The following PRKCA variants were observed in gnomAD, a reference collection of about 807,000 sequenced individuals.
PRKCA encodes the protein protein kinase C alpha type.
PRKCA carries 27 observed loss-of-function variants against 87.0 expected under a neutral mutation model. The ratio of observed to expected loss-of-function variants is 0.31; its 90% CI spans 0.23 to 0.43. The LOEUF is 0.43. Ranked by LOEUF, PRKCA falls within the 20% of genes least tolerant of loss-of-function variation. The pLI, the probability that PRKCA is intolerant of heterozygous loss-of-function variation, is 1.00. For missense variants in PRKCA, 518 were observed against 852.3 expected, an observed-to-expected ratio of 0.61 and a Z score of 4.88; for synonymous variants, 329 against 311.1, an observed-to-expected ratio of 1.06 and a Z score of -0.61.
chr17:66,644,089 A>G (rs1383526733), intron 4 of PRKCA, among the ~76,000 whole-genome samples: 2 of 152,236 alleles, frequency 1.3e-5, no homozygotes, highest in Non-Finnish European at 2.9e-5. Flanking sequence ...CACAAGCAAT[A>G]TACATAACAC....
chr17:66,673,144 T>C (rs1972238017), intron 5 of PRKCA, among the ~76,000 whole-genome samples: 1 of 152,244 alleles, frequency 6.6e-6, no homozygotes, highest in South Asian at 2.1e-4. Flanking sequence ...TATAGAACTT[T>C]AATGTAAAAT....
Position 66,789,109 on chromosome 17 carries a change from G to T in PRKCA, c.1854+130G>T, listed in dbSNP as rs1975471534. ...TGTACAGGGTGAGGAAACGGGCCAG[G>T]TTTCAGCCTTGTCCTCAGTCCTGTG... On this transcript the variant is annotated intron_variant, in intron 16 of 16. Transcript: ENST00000413366. 3 of 1,169,082 alleles carry T rather than the reference G, an allele frequency of 2.6e-6. No individual in the cohort carries two copies. The South Asian group carries it at 4.2e-5, about 16-fold the overall frequency. 72.4% of individuals were successfully genotyped at this position (1,169,082 alleles called of 1,614,324 possible).
intron 2 of PRKCA, among the ~76,000 whole-genome samples, chr17:66,322,078 T>C (rs1426328706): frequency 6.6e-6 from 1 of 152,222 alleles, no homozygotes. Flanking sequence ...AGGTCAGCCT[T>C]GTCAGGGTGG....
At chr17:66,771,413 G>T (rs997701644) in intron 13 of PRKCA, among the ~76,000 whole-genome samples, 100 of 152,168 alleles carry the variant, frequency 6.6e-4, no homozygotes, top group Admixed American at 1.9e-3. Flanking sequence ...GTCTTGCCAA[G>T]ATACTCATGA....
chr17:66,452,739 C>T (rs1182186444), intron 2 of PRKCA, among the ~76,000 whole-genome samples: 2 of 152,158 alleles, frequency 1.3e-5, no homozygotes, highest in African/African-American at 2.4e-5. Flanking sequence ...TGGCGGGTGC[C>T]TGTAGTCCCA....
intron 2 of PRKCA, among the ~76,000 whole-genome samples, chr17:66,397,126 C>T (rs749589768): frequency 5.3e-5 from 8 of 151,464 alleles, no homozygotes; most frequent in Middle Eastern, 3.2e-3. Flanking sequence ...CCACCATGCC[C>T]AGCTAATTTT....
intron 2 of PRKCA, among the ~76,000 whole-genome samples, chr17:66,367,718 G>T (rs757766514): frequency 1.2e-4 from 19 of 152,158 alleles, no homozygotes; most frequent in Non-Finnish European, 2.4e-4. Flanking sequence ...ATAAGACCAG[G>T]TTTGAATCTG....
At chr17:66,364,616 A>G (rs1021734528) in intron 2 of PRKCA, among the ~76,000 whole-genome samples, 5 of 152,142 alleles carry the variant, frequency 3.3e-5, no homozygotes, top group African/African-American at 1.2e-4. Context: ...TGATTGAAGT[A>G]GGGGGAGTGC....
chr17:66,701,939 C>T lies in PRKCA; in HGVS notation c.918+12892C>T, dbSNP rs145578498. 7.3e-3 allele frequency among the ~76,000 whole-genome samples: 1,113 copies of T among 152,148 alleles called. 15 individuals are homozygous for T. Among genetic ancestry groups the T allele is most frequent in the African/African-American group, 0.023 (958 of 41,534 alleles). ...AATACTTGAAAATAAAGCTACCATA[C>T]GATCCAGCAGTCCTGATTCTGGGTA... On this transcript the variant is annotated intron_variant, in intron 8 of 16. Coordinates refer to ENST00000413366, the MANE Select transcript of PRKCA (RefSeq NM_002737.3).
chr17:66,647,746 A>G (rs1307223200), intron 5 of PRKCA, among the ~76,000 whole-genome samples: 2 of 152,162 alleles, frequency 1.3e-5, no homozygotes, highest in East Asian at 3.9e-4. Flanking sequence ...TTGACTCACA[A>G]TTGTAGAGTC....
chr17:66,759,904 C>G lies in PRKCA; in HGVS notation c.1525-14083C>G, dbSNP rs543053348. Among the ~76,000 whole-genome samples the G allele has an allele frequency of 2.6e-5, 4 of 152,298 alleles. No homozygotes were observed. In the South Asian group the frequency reaches 8.3e-4, roughly 32 times the overall value. Reference sequence around the variant, plus strand: ...AGCAGTTGTTAATGTGTGCGTCTGACAGCAGAGCATTGAAATACATACGGC... The same window carrying G: ...AGCAGTTGTTAATGTGTGCGTCTGAGAGCAGAGCATTGAAATACATACGGC... On this transcript the variant is annotated intron_variant, in intron 13 of 16. Coordinates refer to ENST00000413366, the MANE Select transcript of PRKCA (RefSeq NM_002737.3).
intron 2 of PRKCA, among the ~76,000 whole-genome samples, chr17:66,330,641 T>A (rs1037657423): frequency 6.6e-6 from 1 of 152,164 alleles, no homozygotes; most frequent in African/African-American, 2.4e-5. Context: ...TCCATTAGAC[T>A]CAACTCCATT....
At chr17:66,740,432 A>T (rs1974133554) in intron 11 of PRKCA, among the ~76,000 whole-genome samples, 1 of 152,156 alleles carries the variant, frequency 6.6e-6, no homozygotes, top group Non-Finnish European at 1.5e-5. Context: ...TGATGAATGA[A>T]GTCAGCACCT....
chr17:66,444,598 T>C (rs890612224), intron 2 of PRKCA, among the ~76,000 whole-genome samples: 17 of 152,294 alleles, frequency 1.1e-4, no homozygotes, highest in Non-Finnish European at 2.2e-4. Flanking sequence ...CTGCATGTTA[T>C]CAGGTTTGCA....
intron 3 of PRKCA, among the ~76,000 whole-genome samples, chr17:66,582,134 A>G (rs1458664181): frequency 1.3e-5 from 2 of 152,168 alleles, no homozygotes; most frequent in Non-Finnish European, 2.9e-5. Flanking sequence ...TCTTGTATAC[A>G]CTATGGCCAG....
chr17:66,305,126 T>A (rs986869877), intron 1 of PRKCA, among the ~76,000 whole-genome samples: 4 of 152,128 alleles, frequency 2.6e-5, no homozygotes, highest in African/African-American at 9.7e-5. Flanking sequence ...AACCAACCAA[T>A]TGGAAGTCCC....
At chr17:66,777,875 C>A (rs181844766) in intron 14 of PRKCA, 3 of 985,400 alleles carry the variant, frequency 3.0e-6, no homozygotes, top group East Asian at 2.3e-4. Flanking sequence ...AAGTCCTCCT[C>A]CCTCCCGCAG....
At chr17:66,771,095 T>G (rs1293289910) in intron 13 of PRKCA, among the ~76,000 whole-genome samples, 1 of 151,306 alleles carries the variant, frequency 6.6e-6, no homozygotes, top group Non-Finnish European at 1.5e-5. Flanking sequence ...CTCTGCCTCA[T>G]GGGTTGAAGC....
At chr17:66,564,466 A>C (rs1968826397) in intron 3 of PRKCA, among the ~76,000 whole-genome samples, 1 of 152,176 alleles carries the variant, frequency 6.6e-6, no homozygotes. Context: ...CTTCTGGGAA[A>C]AAGAGGAATG....
Sources: gnomAD v4.1 joint callset for allele counts (sites outside exome capture counted in the v4.1 genomes callset) on GRCh38, gnomAD v4.1.1 for gene constraint, MANE v1.5 for transcripts, NCBI Gene and HGNC (gene_info 2026-07-23, HGNC 2026-07-21) for gene names.